SNX29: variants seen among roughly 807,000 people sequenced by gnomAD.
SNX29 encodes sorting nexin-29.
In SNX29, 78 loss-of-function variants were observed where a neutral mutation model predicts 102.1. The observed-to-expected ratio is 0.76, with a 90% CI of 0.64 to 0.92. The LOEUF is 0.92. Among genes scored for constraint, SNX29 ranks in the 40% least tolerant of loss-of-function variants. The pLI is 0.00. For missense variants in SNX29, 1,280 were observed against 1,061.7 expected, an observed-to-expected ratio of 1.21 and a Z score of -2.86; for synonymous variants, 580 against 414.5, an observed-to-expected ratio of 1.40 and a Z score of -4.85.
chr16:12,530,384 AC>A (rs2076899148), intron 20 of SNX29, among the ~76,000 whole-genome samples: 1 of 151,882 alleles, frequency 6.6e-6, no homozygotes, highest in Non-Finnish European at 1.5e-5. Context: ...GTGTGGAAAA[AC>A]CCTAAAACAC....
intron 4 of SNX29, among the ~76,000 whole-genome samples, chr16:12,029,017 A>C (rs2057269314): frequency 6.6e-6 from 1 of 151,900 alleles, no homozygotes; most frequent in South Asian, 2.1e-4. Flanking sequence ...GAGTGCTGGG[A>C]TTATACGTGT....
chr16:12,020,361 A>C (rs1167301393), intron 3 of SNX29, among the ~76,000 whole-genome samples: 1 of 151,912 alleles, frequency 6.6e-6, no homozygotes, highest in Non-Finnish European at 1.5e-5. Context: ...TAAAAAAATT[A>C]TTTATTTATT....
At chr16:12,466,444 C>T (rs762595148) in intron 18 of SNX29, among the ~76,000 whole-genome samples, 2 of 152,218 alleles carry the variant, frequency 1.3e-5, no homozygotes, top group African/African-American at 4.8e-5. Context: ...ACTTTATATA[C>T]AGCAGCATAG....
intron 18 of SNX29, among the ~76,000 whole-genome samples, chr16:12,431,432 TTC>T (rs1257944650): frequency 6.9e-6 from 1 of 145,706 alleles, no homozygotes; most frequent in African/African-American, 2.6e-5. Flanking sequence ...CTTCTTCTTC[TTC>T]TTTTTTTTTT....
chr16:12,110,981 T>G (rs995525769), intron 11 of SNX29, among the ~76,000 whole-genome samples: 1 of 152,024 alleles, frequency 6.6e-6, no homozygotes, highest in Non-Finnish European at 1.5e-5. Context: ...CACGCCTGGC[T>G]AATTTCTTAT....
intron 20 of SNX29, among the ~76,000 whole-genome samples, chr16:12,534,610 C>G (rs372921561): frequency 6.6e-6 from 1 of 152,142 alleles, no homozygotes. Flanking sequence ...CTGTTAAATT[C>G]AAAAAGCAAA....
chr16:12,318,926 T>G (rs888937423), intron 15 of SNX29, among the ~76,000 whole-genome samples: 4 of 152,178 alleles, frequency 2.6e-5, no homozygotes, highest in African/African-American at 9.6e-5. Flanking sequence ...TTACTTAATC[T>G]AAATGGGTCC....
At chr16:12,381,842 C>A (rs1482364511) in intron 16 of SNX29, among the ~76,000 whole-genome samples, 2 of 147,166 alleles carry the variant, frequency 1.4e-5, no homozygotes, top group Non-Finnish European at 3.0e-5. Flanking sequence ...TCCACTCACC[C>A]ATTATCCATC....
intron 15 of SNX29, among the ~76,000 whole-genome samples, chr16:12,286,768 C>T (rs2079612230): frequency 6.6e-6 from 1 of 152,140 alleles, no homozygotes; most frequent in Non-Finnish European, 1.5e-5. Flanking sequence ...GCCAGTCTTG[C>T]TTCATCTGTA....
At chr16:12,390,570 A>G (rs1163038276) in intron 16 of SNX29, among the ~76,000 whole-genome samples, 1 of 152,166 alleles carries the variant, frequency 6.6e-6, no homozygotes. Context: ...GAATAAACGT[A>G]TGCATAACTA....
chr16:12,566,985 C>A (rs1001005094), intron 20 of SNX29, among the ~76,000 whole-genome samples: 1 of 152,246 alleles, frequency 6.6e-6, no homozygotes, highest in Non-Finnish European at 1.5e-5. Context: ...GTGGCCATGT[C>A]CCTGGAAAGG....
chr16:12,568,446 G>C lies in SNX29; in HGVS notation c.2319-60G>C, dbSNP rs534212539. 9 of 1,595,444 alleles carry C rather than the reference G, an allele frequency of 5.6e-6. No homozygotes were observed. The South Asian group carries it at 8.9e-5, about 16-fold the overall frequency. On this transcript the variant is annotated intron_variant, in intron 20 of 20. Transcript: ENST00000566228. ...CCCTCACACCTGGCTCCCCTTCCTGGCCTGTGGTCATTTGCTTTTCATCCC... is the reference window on the plus strand; with the variant it reads ...CCCTCACACCTGGCTCCCCTTCCTGCCCTGTGGTCATTTGCTTTTCATCCC...
At chr16:12,452,728 A>T (rs1220301530) in intron 18 of SNX29, among the ~76,000 whole-genome samples, 1 of 152,080 alleles carries the variant, frequency 6.6e-6, no homozygotes, top group Non-Finnish European at 1.5e-5. Context: ...GTGAGGTCAC[A>T]TGGGCCCATG....
At chr16:12,306,362 G>A (rs1428410573) in intron 15 of SNX29, among the ~76,000 whole-genome samples, 1 of 151,736 alleles carries the variant, frequency 6.6e-6, no homozygotes, top group African/African-American at 2.4e-5. Context: ...CCGAGGGAGG[G>A]TATGGGATAG....
At chr16:12,032,171 G>A (rs1006324049) in intron 4 of SNX29, among the ~76,000 whole-genome samples, 2 of 148,424 alleles carry the variant, frequency 1.3e-5, no homozygotes, top group African/African-American at 4.9e-5. Flanking sequence ...CCGTGTTGTA[G>A]TATGTGTCAG....
At chr16:12,556,781 G>A (rs950609928) in intron 20 of SNX29, among the ~76,000 whole-genome samples, 2 of 152,144 alleles carry the variant, frequency 1.3e-5, no homozygotes, top group East Asian at 1.9e-4. Context: ...TTTGAGCATT[G>A]GAGTCAACAG....
intron 13 of SNX29, among the ~76,000 whole-genome samples, chr16:12,136,741 ATTG>A (rs35090574): frequency 4.0e-5 from 6 of 151,410 alleles, no homozygotes; most frequent in Non-Finnish European, 7.4e-5. Flanking sequence ...TTTTGTTGTT[ATTG>A]TTGTTGTTGT....
At chr16:12,544,530 G>T (rs1053455691) in intron 20 of SNX29, among the ~76,000 whole-genome samples, 1 of 152,170 alleles carries the variant, frequency 6.6e-6, no homozygotes, top group Non-Finnish European at 1.5e-5. Flanking sequence ...GAATTGTGTG[G>T]CCTAGGAACA....
chr16:12,396,941 C>T (rs1367710042), intron 16 of SNX29, among the ~76,000 whole-genome samples: 1 of 152,230 alleles, frequency 6.6e-6, no homozygotes, highest in African/African-American at 2.4e-5. Flanking sequence ...GGGTCATGCT[C>T]TGTCACCCAG....
Sources: allele counts gnomAD v4.1 joint callset (sites outside exome capture counted in the v4.1 genomes callset), GRCh38; gene constraint gnomAD v4.1.1; transcripts MANE v1.5; gene names NCBI Gene and HGNC (gene_info 2026-07-23, HGNC 2026-07-21).